KAZN: variants seen among roughly 807,000 people sequenced by gnomAD.
The protein encoded by KAZN is kazrin, periplakin interacting protein.
A neutral mutation model predicts 87.4 loss-of-function variants in KAZN; 40 were observed. The observed-to-expected ratio is 0.46, with a 90% confidence interval of 0.36 to 0.60. The LOEUF (loss-of-function observed/expected upper bound fraction) is 0.60, where lower values mean the gene tolerates loss of function less well. Among genes scored for constraint, KAZN ranks in the 20% least tolerant of loss-of-function variants. KAZN has a pLI of 0.00. For missense variants in KAZN, 898 were observed against 1,073.9 expected (o/e 0.84, Z 2.29); for synonymous variants, 466 against 458.3 (o/e 1.02, Z -0.22).
rs188517972 is a variant in KAZN at position 14,067,536 on chromosome 1, A to G, written c.92-112899A>G. 2.5e-3 allele frequency among the ~76,000 whole-genome samples: 385 copies of G among 152,266 alleles called. 1 individual carries two copies. The highest frequency in any genetic ancestry group is 4.7e-3 in the Non-Finnish European group (318 of 68,024). ...CTTCTAGACTGTGGGGAGGATGGGC[A>G]TGGGCTTATTTATGTTTATATTTCC... On this transcript the variant is annotated intron_variant, in intron 1 of 16. Coordinates refer to the KAZN transcript ENST00000636203.
intron 2 of KAZN, among the ~76,000 whole-genome samples, chr1:14,375,015 A>T (rs1660785370): frequency 6.6e-6 from 1 of 152,210 alleles, no homozygotes; most frequent in South Asian, 2.1e-4. Context: ...GGCAGAGGCC[A>T]ACACAGACTT....
intron 2 of KAZN, among the ~76,000 whole-genome samples, chr1:14,399,769 C>T (rs910338907): frequency 4.6e-5 from 7 of 152,078 alleles, no homozygotes; most frequent in African/African-American, 4.8e-5. Flanking sequence ...CCGTCGTGCT[C>T]GATGCCATCT....
intron 2 of KAZN, among the ~76,000 whole-genome samples, chr1:14,973,542 T>A (rs916080419): frequency 6.6e-6 from 1 of 152,136 alleles, no homozygotes; most frequent in African/African-American, 2.4e-5. Flanking sequence ...GATTTTTTTT[T>A]AGATAGGGTG....
chr1:14,848,709 G>T (rs75373197), intron 1 of KAZN, among the ~76,000 whole-genome samples: 1 of 152,098 alleles, frequency 6.6e-6, no homozygotes, highest in Admixed American at 6.5e-5. Flanking sequence ...CGCTCTCCCC[G>T]TGAGTGATTA....
At chr1:14,522,970 A>C (rs1176291218) in intron 2 of KAZN, among the ~76,000 whole-genome samples, 2 of 152,098 alleles carry the variant, frequency 1.3e-5, no homozygotes, top group Non-Finnish European at 2.9e-5. Flanking sequence ...AGGTGCTGGG[A>C]GGGCTCCCTG....
intron 1 of KAZN, among the ~76,000 whole-genome samples, chr1:14,911,022 C>T (rs1424776776): frequency 6.6e-6 from 1 of 152,214 alleles, no homozygotes; most frequent in Non-Finnish European, 1.5e-5. Context: ...CTCCTGAGCC[C>T]GCACAGTGCA....
chr1:14,137,338 G>A (rs151083640), intron 1 of KAZN, among the ~76,000 whole-genome samples: 2,303 of 152,252 alleles, frequency 0.015, 20 homozygotes, highest in Non-Finnish European at 0.025. Context: ...CGTGGGTCAG[G>A]TGGCCCTACA....
chr1:14,283,468 A>T (rs1048278989), intron 2 of KAZN, among the ~76,000 whole-genome samples: 17 of 152,252 alleles, frequency 1.1e-4, no homozygotes, highest in Admixed American at 1.0e-3. Flanking sequence ...AAATTCAAAG[A>T]GCCAATAAAT....
chr1:14,056,834 C>G (rs1054293658), intron 1 of KAZN, among the ~76,000 whole-genome samples: 1 of 152,040 alleles, frequency 6.6e-6, no homozygotes, highest in Admixed American at 6.5e-5. Flanking sequence ...TGTACACCAT[C>G]AAGTATTTCA....
intron 1 of KAZN, among the ~76,000 whole-genome samples, chr1:14,916,039 A>G (rs1657778393): frequency 6.6e-6 from 1 of 152,034 alleles, no homozygotes; most frequent in Non-Finnish European, 1.5e-5. Context: ...TAATAATAGT[A>G]CACTTACCTC....
In KAZN at chr1:14,466,917, C is replaced by A. The variant is rs560906822; in HGVS notation, c.250-132066C>A. On this transcript the variant is annotated intron_variant, in intron 2 of 16. Coordinates refer to the KAZN transcript ENST00000636203. ...CCAGGAGGTGGAGGTTGCAGTGAGC[C>A]GAGATCGCGCCACTGCGCTCCAGCC... Among the ~76,000 whole-genome samples the A allele has an allele frequency of 2.0e-5, 3 of 152,124 alleles. No homozygotes were observed. The East Asian group carries it at 5.8e-4, about 29-fold the overall frequency.
intron 2 of KAZN, among the ~76,000 whole-genome samples, chr1:14,346,472 T>C (rs755431884): frequency 3.9e-5 from 6 of 152,070 alleles, no homozygotes; most frequent in Non-Finnish European, 7.4e-5. Flanking sequence ...CTGGGAAAGC[T>C]TGGCAAGATA....
chr1:15,008,936 CT>C (rs1557711484), intron 2 of KAZN, among the ~76,000 whole-genome samples: 2 of 152,240 alleles, frequency 1.3e-5, no homozygotes, highest in African/African-American at 4.8e-5. Flanking sequence ...TTATTCCCCC[CT>C]GGACAATCAG....
chr1:14,884,165 G>A (rs1260683536), intron 1 of KAZN, among the ~76,000 whole-genome samples: 5 of 152,104 alleles, frequency 3.3e-5, no homozygotes, highest in African/African-American at 7.2e-5. Context: ...AGGCCGAGGC[G>A]GGTGGGTCAC....
At chr1:14,405,059 T>C (rs946964049) in intron 2 of KAZN, among the ~76,000 whole-genome samples, 1 of 151,886 alleles carries the variant, frequency 6.6e-6, no homozygotes, top group Non-Finnish European at 1.5e-5. Flanking sequence ...TGGTGGGGGG[T>C]AGGGGGATAG....
intron 2 of KAZN, among the ~76,000 whole-genome samples, chr1:14,202,996 G>A (rs974963526): frequency 1.5e-4 from 23 of 152,040 alleles, no homozygotes; most frequent in East Asian, 5.8e-4. Flanking sequence ...CAGCCTGGGC[G>A]ACAAGAGCAA....
rs569032673 is a variant in KAZN at position 13,938,013 on chromosome 1, C to A, written c.91+44257C>A. On this transcript the variant is annotated intron_variant, in intron 1 of 16. Transcript: ENST00000636203. ...TAGGAGTATTTTGGCTATTCAGACTCTTTTTTGGTTCCATGTGAATTTCAG... is the reference window on the plus strand; with the variant it reads ...TAGGAGTATTTTGGCTATTCAGACTATTTTTTGGTTCCATGTGAATTTCAG... Among the ~76,000 whole-genome samples, 4 of 152,230 alleles carry A rather than the reference C, an allele frequency of 2.6e-5. No individual in the cohort carries two copies. The East Asian group carries it at 7.7e-4, about 29-fold the overall frequency.
intron 1 of KAZN, among the ~76,000 whole-genome samples, chr1:14,943,090 T>C (rs1200639491): frequency 1.7e-4 from 25 of 148,938 alleles, no homozygotes; most frequent in Admixed American, 1.5e-3. Context: ...TTTTTTAATT[T>C]ACATTTTTCG....
At chr1:14,938,220 G>T (rs1660667985) in intron 1 of KAZN, among the ~76,000 whole-genome samples, 1 of 152,140 alleles carries the variant, frequency 6.6e-6, no homozygotes, top group Non-Finnish European at 1.5e-5. Context: ...TCTAGTAGGG[G>T]TTTTGTGGAG....
Sources: allele counts gnomAD v4.1 joint callset (sites outside exome capture counted in the v4.1 genomes callset), GRCh38; gene constraint gnomAD v4.1.1; transcripts MANE v1.5; gene names NCBI Gene and HGNC (gene_info 2026-07-23, HGNC 2026-07-21).